CENPP: variants seen among roughly 807,000 people sequenced by gnomAD.
CENPP encodes centromere protein P.
CENPP carries 24 observed loss-of-function variants against 35.6 expected under a neutral mutation model. The observed-to-expected ratio is 0.67, with a 90% CI of 0.49 to 0.95. The LOEUF is 0.95. CENPP is among the 40% of genes least tolerant of loss of function. The probability of loss-of-function intolerance (pLI) is 0.00; values close to 1 mark genes in which losing one functional copy is unlikely to be tolerated. For synonymous variants in CENPP, 120 were observed against 125.5 expected (o/e 0.96, Z 0.29); for missense variants, 332 against 345.3 (o/e 0.96, Z 0.31).
At chr9:92,544,192 T>G (rs2131313463) in intron 5 of CENPP, among the ~76,000 whole-genome samples, 1 of 152,354 alleles carries the variant, frequency 6.6e-6, no homozygotes, top group Non-Finnish European at 1.5e-5. Context: ...TGATCTTTAT[T>G]GGGCTGGGCG....
At chr9:92,383,589 G>A (rs913100646) in intron 5 of CENPP, among the ~76,000 whole-genome samples, 11 of 151,502 alleles carry the variant, frequency 7.3e-5, no homozygotes, top group African/African-American at 2.4e-4. Context: ...TAATTATTTC[G>A]TCTGATATCT....
intron 5 of CENPP, chr9:92,460,672 G>T: frequency 3.0e-6 from 2 of 660,806 alleles, no homozygotes; most frequent in Non-Finnish European, 5.2e-6. Flanking sequence ...AACTTTTTAG[G>T]CACTAACTCT....
chr9:92,588,532 C>A (rs1216433103), intron 5 of CENPP, among the ~76,000 whole-genome samples: 1 of 151,854 alleles, frequency 6.6e-6, no homozygotes, highest in Non-Finnish European at 1.5e-5. Flanking sequence ...GGATTACAGG[C>A]GTGAGCCACT....
intron 5 of CENPP, among the ~76,000 whole-genome samples, chr9:92,609,632 C>T (rs938264425): frequency 2.6e-5 from 4 of 152,250 alleles, no homozygotes; most frequent in Non-Finnish European, 5.9e-5. Flanking sequence ...AGAGACTAGC[C>T]CTAGGAGCTC....
intron 5 of CENPP, among the ~76,000 whole-genome samples, chr9:92,426,134 A>T (rs1172538336): frequency 6.6e-6 from 1 of 152,028 alleles, no homozygotes; most frequent in Non-Finnish European, 1.5e-5. Flanking sequence ...AGGGATGGGG[A>T]TGGGGGGAGG....
chr9:92,334,996 G>A (rs1476239620), intron 2 of CENPP, among the ~76,000 whole-genome samples: 1 of 151,910 alleles, frequency 6.6e-6, no homozygotes, highest in Admixed American at 6.6e-5. Flanking sequence ...AGACCAGCCT[G>A]GCCAACATGG....
Position 92,590,242 on chromosome 9 carries a change from T to C in CENPP, c.565-21072T>C, listed in dbSNP as rs112150437. ...TTGTTAACTACTTGTTCTAAGGTTT[T>C]TTTCAAACTTTAACTTTAGTTTCTT... On this transcript the variant is annotated intron_variant, in intron 5 of 7. Transcript: ENST00000375587. Among the ~76,000 whole-genome samples the C allele has an allele frequency of 2.4e-3, 364 of 152,370 alleles. 1 individual carries two copies. Among genetic ancestry groups the C allele is most frequent in the African/African-American group, 8.4e-3 (349 of 41,586 alleles).
At chr9:92,403,680 A>G (rs1205561601) in intron 5 of CENPP, 7 of 1,027,792 alleles carry the variant, frequency 6.8e-6, no homozygotes, top group Non-Finnish European at 8.3e-6. Flanking sequence ...CAGAAATTCA[A>G]GAAAGATTGA....
chr9:92,591,144 G>T (rs953758642), intron 5 of CENPP, among the ~76,000 whole-genome samples: 1 of 151,930 alleles, frequency 6.6e-6, no homozygotes, highest in African/African-American at 2.4e-5. Context: ...AGGGGGCCGG[G>T]TGCGGTGGCT....
At position 92,612,538 on chromosome 9, in the gene CENPP, T is replaced by G; in HGVS notation, c.660T>G (p.Ile220Met). Residue 220 changes from isoleucine (I) to methionine (M), a missense_variant, in exon 7 of 8, where the codon ATT becomes ATG. Transcript: ENST00000375587. ...GCTTTTTCAGGTTTGAATTAGTCAT[T>G]GTTTGGAGGATACAAATAGATGAAG... is the stretch of plus-strand genomic sequence containing the variant. ...SASRPGFELV[I>M]VWRIQIDEDG... 6.2e-7 allele frequency: 1 copy of G among 1,613,754 alleles called. No homozygotes were observed. The highest frequency in any genetic ancestry group is 8.5e-7 in the Non-Finnish European group (1 of 1,179,658).
chr9:92,546,548 T>C (rs1346223543), intron 5 of CENPP, among the ~76,000 whole-genome samples: 4 of 151,744 alleles, frequency 2.6e-5, no homozygotes, highest in African/African-American at 9.7e-5. Context: ...AACGCCAAGG[T>C]CTGCAGCTTC....
chr9:92,524,413 A>C (rs1179231272), intron 5 of CENPP, among the ~76,000 whole-genome samples: 1 of 152,162 alleles, frequency 6.6e-6, no homozygotes. Context: ...ATCCCTGTGA[A>C]GTCTGGTGGC....
At chr9:92,587,906 G>A (rs1281914886) in intron 5 of CENPP, among the ~76,000 whole-genome samples, 2 of 152,072 alleles carry the variant, frequency 1.3e-5, no homozygotes, top group Non-Finnish European at 2.9e-5. Flanking sequence ...TGGGCAGATC[G>A]CTTGAGGTCA....
intron 5 of CENPP, among the ~76,000 whole-genome samples, chr9:92,582,970 C>A (rs1850464382): frequency 6.6e-6 from 1 of 152,152 alleles, no homozygotes; most frequent in Non-Finnish European, 1.5e-5. Flanking sequence ...ACTTTACTCT[C>A]CTCTCCCAAA....
intron 4 of CENPP, among the ~76,000 whole-genome samples, chr9:92,366,177 CAA>C (rs79052877): frequency 2.3e-4 from 12 of 52,062 alleles, no homozygotes; most frequent in Admixed American, 3.7e-4. Flanking sequence ...GACTCCGTCT[CAA>C]AAAAAAAAAA....
chr9:92,466,722 C>T, intron 5 of CENPP: 2 of 662,616 alleles, frequency 3.0e-6, no homozygotes, highest in Non-Finnish European at 5.0e-6. Flanking sequence ...CCAATCTAAG[C>T]TTTTAAAAAA....
chr9:92,385,975 C>T (rs955627542), intron 5 of CENPP, among the ~76,000 whole-genome samples: 4 of 152,184 alleles, frequency 2.6e-5, no homozygotes, highest in Admixed American at 2.0e-4. Flanking sequence ...GCAGACTTCA[C>T]ACGTACTGTG....
chr9:92,399,386 CTT>C (rs1843017972), intron 5 of CENPP, among the ~76,000 whole-genome samples: 1 of 151,968 alleles, frequency 6.6e-6, no homozygotes, highest in East Asian at 1.9e-4. Context: ...TGGTTAATCT[CTT>C]TTCCTCGATT....
intron 5 of CENPP, among the ~76,000 whole-genome samples, chr9:92,559,721 G>A (rs761221424): frequency 6.6e-6 from 1 of 151,888 alleles, no homozygotes; most frequent in Non-Finnish European, 1.5e-5. Flanking sequence ...GGCTGGTCTC[G>A]AACTCCTGGG....
Sources: gnomAD v4.1 joint callset for allele counts (sites outside exome capture counted in the v4.1 genomes callset) on GRCh38, gnomAD v4.1.1 for gene constraint, MANE v1.5 for transcripts, NCBI Gene and HGNC (gene_info 2026-07-23, HGNC 2026-07-21) for gene names.